Variants in PREX1 observed in about 807,000 individuals in gnomAD.
PREX1 encodes the protein phosphatidylinositol 3,4,5-trisphosphate-dependent Rac exchanger 1 protein.
Under a neutral mutation model 198.3 loss-of-function variants are expected in PREX1, and 41 were observed. The observed-to-expected ratio is 0.21, with a 90% CI of 0.16 to 0.27. PREX1 has a LOEUF of 0.27. Ranked by LOEUF, PREX1 falls within the 10% of genes least tolerant of loss-of-function variation. PREX1 has a pLI of 1.00. For missense variants in PREX1, 1,620 were observed against 2,200.7 expected, an observed-to-expected ratio of 0.74 and a Z score of 5.28; for synonymous variants, 843 against 887.2, an observed-to-expected ratio of 0.95 and a Z score of 0.89.
At chr20:48,825,595 A>C (rs1349597114) in intron 1 of PREX1, among the ~76,000 whole-genome samples, 1 of 152,138 alleles carries the variant, frequency 6.6e-6, no homozygotes, top group Non-Finnish European at 1.5e-5. Flanking sequence ...TTAAAACCAC[A>C]GTTAACTCAA....
chr20:48,786,739 T>A, intron 1 of PREX1, among the ~76,000 whole-genome samples: 2 of 119,420 alleles, frequency 1.7e-5, no homozygotes, highest in African/African-American at 3.3e-5. Flanking sequence ...AGCAAGACTC[T>A]GTCAAAAAAA....
intron 1 of PREX1, among the ~76,000 whole-genome samples, chr20:48,791,053 A>G (rs945427966): frequency 6.6e-6 from 1 of 152,182 alleles, no homozygotes; most frequent in Non-Finnish European, 1.5e-5. Flanking sequence ...GAGTGTGCGC[A>G]TGTGCATGAA....
chr20:48,640,023 C>T (rs2089396872), intron 29 of PREX1, 129 bp from the exon 30 acceptor site: 4 of 1,278,334 alleles, frequency 3.1e-6, no homozygotes, highest in Non-Finnish European at 2.2e-6. Flanking sequence ...GCTGGCAGGA[C>T]TCCTGGGCAT....
chr20:48,627,754 C>T, intron 38 of PREX1, 107 bp downstream of exon 38: 2 of 1,396,640 alleles, frequency 1.4e-6, no homozygotes, highest in South Asian at 2.5e-5. Flanking sequence ...TCAGAGAAGG[C>T]TCAGGTCTGG....
chr20:48,688,535 T>G, intron 10 of PREX1, 122 bp downstream of exon 10: 1 of 1,309,804 alleles, frequency 7.6e-7, no homozygotes, highest in Non-Finnish European at 1.1e-6. Context: ...TTCAGGTCCT[T>G]TTGTCACTCT....
chr20:48,705,293 T>A (rs1245005874), intron 6 of PREX1, among the ~76,000 whole-genome samples: 2 of 152,274 alleles, frequency 1.3e-5, no homozygotes, highest in Non-Finnish European at 2.9e-5. Context: ...ATTCGTGGAT[T>A]CACTTATCTG....
Position 48,666,243 on chromosome 20 carries a change from G to A in PREX1, c.1738+40C>T. On this transcript the variant is annotated intron_variant, in intron 15 of 39. Coordinates refer to ENST00000371941, the MANE Select transcript of PREX1 (RefSeq NM_020820.4). This position sits in a 1 kb window ranked among gnomAD's most constrained non-coding sequence, Gnocchi z 4.3. ...TCCCCCAAACCATCAGCTCCAGGGA[G>A]CAAGGTCCCGGGGGCTGGGCTGCAG... 1 of 1,519,654 alleles carries A rather than the reference G, an allele frequency of 6.6e-7. No homozygotes were observed. The allele number at this position is 1,519,654 out of a possible 1,614,324, so 94.1% of individuals were successfully genotyped here.
chr20:48,819,277 C>T (rs1427254552), intron 1 of PREX1, among the ~76,000 whole-genome samples: 1 of 152,224 alleles, frequency 6.6e-6, no homozygotes, highest in African/African-American at 2.4e-5. Flanking sequence ...CTCTCCCCTC[C>T]AGCCACCCTG....
chr20:48,767,781 C>T (rs976641270), intron 1 of PREX1, among the ~76,000 whole-genome samples: 3 of 152,068 alleles, frequency 2.0e-5, no homozygotes, highest in African/African-American at 7.2e-5. Flanking sequence ...TTTGCACGTG[C>T]TGTTCCCCGC....
At chr20:48,831,892 A>C (rs1343312436), upstream of PREX1, among the ~76,000 whole-genome samples, 2 of 152,184 alleles carry the variant, frequency 1.3e-5, no homozygotes, top group Non-Finnish European at 2.9e-5. Context: ...CTCCCAGCTA[A>C]TCCTGGCATA....
At chr20:48,823,351 C>G (rs1404860037) in intron 1 of PREX1, among the ~76,000 whole-genome samples, 1 of 152,170 alleles carries the variant, frequency 6.6e-6, no homozygotes, top group African/African-American at 2.4e-5. Flanking sequence ...GAGGTGCCTC[C>G]CCTTGGCAGG....
the PREX1 span, among the ~76,000 whole-genome samples, chr20:48,834,408 T>G: frequency 6.6e-6 from 1 of 151,888 alleles, no homozygotes; most frequent in Non-Finnish European, 1.5e-5. Flanking sequence ...AGCTGCCCAG[T>G]CCAAATCCAG....
At chr20:48,696,744 C>A (rs1601082691) in intron 7 of PREX1, among the ~76,000 whole-genome samples, 1 of 152,094 alleles carries the variant, frequency 6.6e-6, no homozygotes, top group Non-Finnish European at 1.5e-5. Flanking sequence ...AAAGGACTTG[C>A]TGATGTAGTT....
chr20:48,772,063 G>A (rs1327048725), intron 1 of PREX1, among the ~76,000 whole-genome samples: 3 of 151,940 alleles, frequency 2.0e-5, no homozygotes, highest in Non-Finnish European at 4.4e-5. Flanking sequence ...GCGTGGTGGC[G>A]GGCACCTGTA....
At chr20:48,820,779 C>T (rs1423939327) in intron 1 of PREX1, among the ~76,000 whole-genome samples, 1 of 152,216 alleles carries the variant, frequency 6.6e-6, no homozygotes, top group Non-Finnish European at 1.5e-5. Context: ...TTACAATGCA[C>T]AGGACAGCAC....
the PREX1 span, among the ~76,000 whole-genome samples, chr20:48,844,507 T>G: frequency 6.6e-6 from 1 of 152,206 alleles, no homozygotes; most frequent in African/African-American, 2.4e-5. Context: ...ATGTGACTCA[T>G]TTCTAACCAA....
At chr20:48,794,661 C>A (rs2122985022) in intron 1 of PREX1, among the ~76,000 whole-genome samples, 1 of 152,258 alleles carries the variant, frequency 6.6e-6, no homozygotes, top group South Asian at 2.1e-4. Context: ...AAGCACCCAG[C>A]CAGGTTGCCA....
At chr20:48,660,427 T>C (rs1306065449) in intron 15 of PREX1, among the ~76,000 whole-genome samples, 2 of 152,254 alleles carry the variant, frequency 1.3e-5, no homozygotes, top group African/African-American at 2.4e-5. Flanking sequence ...TCTATGATGA[T>C]GATTTATGAT....
At chr20:48,756,808 G>A (rs2090157522) in intron 1 of PREX1, among the ~76,000 whole-genome samples, 1 of 152,178 alleles carries the variant, frequency 6.6e-6, no homozygotes, top group Admixed American at 6.5e-5. Flanking sequence ...ATATACCAGA[G>A]ACTGGGTAAT....
Sources: gnomAD v4.1 joint callset for allele counts (sites outside exome capture counted in the v4.1 genomes callset) on GRCh38, gnomAD v4.1.1 for gene constraint, Gnocchi (gnomAD v3.1) non-coding constraint, MANE v1.5 for transcripts, NCBI Gene and HGNC (gene_info 2026-07-23, HGNC 2026-07-21) for gene names.